The following FOXK1 variants were observed in gnomAD, a reference collection of about 807,000 sequenced individuals.
The protein encoded by FOXK1 is forkhead box protein K1.
In FOXK1, 19 loss-of-function variants were observed where a neutral mutation model predicts 51.9. The ratio of observed to expected loss-of-function variants is 0.37; its 90% CI spans 0.26 to 0.54. FOXK1 has a LOEUF of 0.54. Among genes scored for constraint, FOXK1 ranks in the 20% least tolerant of loss-of-function variants. The probability of loss-of-function intolerance (pLI) is 0.87; values close to 1 mark genes in which losing one functional copy is unlikely to be tolerated. For synonymous variants in FOXK1, 537 were observed against 482.6 expected (o/e 1.11, Z -1.48); for missense variants, 870 against 1,032.7 (o/e 0.84, Z 2.16).
chr7:4,694,110 C>T (rs1779924667), intron 1 of FOXK1, among the ~76,000 whole-genome samples: 1 of 152,140 alleles, frequency 6.6e-6, no homozygotes, highest in South Asian at 2.1e-4. Flanking sequence ...TGGTCTTGAA[C>T]TCCTGGGCTC....
Position 4,766,055 on chromosome 7 carries a change from C to G in FOXK1, c.*3591C>G, listed in dbSNP as rs115332020. 7.2e-5 allele frequency: 11 copies of G among 152,314 alleles called. No individual in the cohort carries two copies. Among genetic ancestry groups the G allele is most frequent in the African/African-American group, 2.7e-4 (11 of 41,466 alleles). 9.4% of individuals were successfully genotyped at this position (152,314 alleles called of 1,614,324 possible). On this transcript the variant is annotated 3_prime_UTR_variant, in exon 9 of 9. Transcript: ENST00000328914. This position sits in a 1 kb window ranked among gnomAD's most constrained non-coding sequence, Gnocchi z 5.5. ...CAGTATCCCGGTGTGTGCCCATCCT[C>G]AGCCACTTGTGTCTTTCTTTCCATG...
At position 4,723,232 on chromosome 7, in the gene FOXK1, C is replaced by T. The variant is rs1202470487; in HGVS notation, c.561-17606C>T. On this transcript the variant is annotated intron_variant, in intron 1 of 8. Coordinates refer to ENST00000328914, the MANE Select transcript of FOXK1 (RefSeq NM_001037165.2). The surrounding 1 kb of genome is among the most constrained non-coding windows in gnomAD (Gnocchi z 4.7). ...CCATGGCGGCTTGCACGTTGCACGT[C>T]CCCCGGCTCAGCACCGAGCAAGTGG... Among the ~76,000 whole-genome samples, 1 of 151,912 alleles carries T rather than the reference C, an allele frequency of 6.6e-6. No individual in the cohort carries two copies. Among genetic ancestry groups the T allele is most frequent in the Admixed American group, 6.6e-5 (1 of 15,240 alleles).
intron 1 of FOXK1, among the ~76,000 whole-genome samples, chr7:4,732,548 C>G (rs1292013092): frequency 1.3e-5 from 2 of 152,162 alleles, no homozygotes; most frequent in Non-Finnish European, 2.9e-5. Flanking sequence ...CCCACCTCAG[C>G]CTTCCAAAGC....
At chr7:4,721,589 C>CTTTTTTTTTTTTTTTTTTTTTT (rs200132324) in intron 1 of FOXK1, among the ~76,000 whole-genome samples, 71 of 112,606 alleles carry the variant, frequency 6.3e-4, no homozygotes, top group Non-Finnish European at 8.1e-4. Context: ...TCTTTTTTTT[C>CTTTTTTTTTTTTTTTTTTTTTT]TTTTTTTTTT....
chr7:4,713,467 G>A (rs189441979), intron 1 of FOXK1, among the ~76,000 whole-genome samples: 1 of 151,456 alleles, frequency 6.6e-6, no homozygotes, highest in African/African-American at 2.4e-5. Context: ...CCCTAAACAA[G>A]AGAATTTGCA....
intron 1 of FOXK1, among the ~76,000 whole-genome samples, chr7:4,690,019 C>G (rs760834631): frequency 6.6e-6 from 1 of 152,184 alleles, no homozygotes; most frequent in Non-Finnish European, 1.5e-5. Context: ...TCTCGCTTCT[C>G]CACGTGAAGG....
intron 2 of FOXK1, among the ~76,000 whole-genome samples, chr7:4,751,833 G>T (rs1780782932): frequency 6.6e-6 from 1 of 152,250 alleles, no homozygotes; most frequent in Non-Finnish European, 1.5e-5. Flanking sequence ...TGGGGAAAGT[G>T]GCGGAGAAAC....
Position 4,734,138 on chromosome 7 carries a change from G to C in FOXK1, c.561-6700G>C, listed in dbSNP as rs919440872. Among the ~76,000 whole-genome samples the C allele has an allele frequency of 6.6e-6, 1 of 152,126 alleles. No individual in the cohort carries two copies. Among genetic ancestry groups the C allele is most frequent in the Non-Finnish European group, 1.5e-5 (1 of 68,026 alleles). ...GTGCCGCCCAGCTCCTAGAAGACAC[G>C]CGACTCCACAGCAGTTAGGAGACAG... On this transcript the variant is annotated intron_variant, in intron 1 of 8. Coordinates refer to ENST00000328914, the MANE Select transcript of FOXK1 (RefSeq NM_001037165.2). The surrounding 1 kb of genome is among the most constrained non-coding windows in gnomAD (Gnocchi z 5.2).
chr7:4,742,443 G>A (rs530259184), intron 2 of FOXK1, among the ~76,000 whole-genome samples: 6 of 152,236 alleles, frequency 3.9e-5, no homozygotes, highest in South Asian at 2.1e-4. Context: ...CAGAGACAGC[G>A]TCTCACTCTG....
chr7:4,706,827 T>C (rs1163784059), intron 1 of FOXK1, among the ~76,000 whole-genome samples: 1 of 152,128 alleles, frequency 6.6e-6, no homozygotes, highest in East Asian at 1.9e-4. Flanking sequence ...TGACCTTCCT[T>C]GGCCGCCCGG....
At position 4,762,066 on chromosome 7, in the gene FOXK1, CAG is replaced by C; in HGVS notation, c.1922-117_1922-116del. On this transcript the variant is annotated intron_variant, in intron 8 of 8. Transcript: ENST00000328914. The surrounding 1 kb of genome is among the most constrained non-coding windows in gnomAD (Gnocchi z 5.7). Reference sequence around the variant, plus strand: ...GAGCAAGGGTAGCCGTCCTGCCTGGCAGGGGTGCACTGACCTCCGGTTCCGGC... The same window carrying C: ...GAGCAAGGGTAGCCGTCCTGCCTGGCGGGTGCACTGACCTCCGGTTCCGGC... The C allele has an allele frequency of 8.2e-7, 1 of 1,218,504 alleles. No homozygotes were observed. The highest frequency in any genetic ancestry group is 1.1e-6 in the Non-Finnish European group (1 of 883,400). 75.5% of individuals were successfully genotyped at this position (1,218,504 alleles called of 1,614,324 possible).
At chr7:4,744,793 A>G (rs1780680440) in intron 2 of FOXK1, among the ~76,000 whole-genome samples, 1 of 152,208 alleles carries the variant, frequency 6.6e-6, no homozygotes, top group African/African-American at 2.4e-5. Flanking sequence ...CCTTCCGCCC[A>G]GTCCTGTTCT....
chr7:4,759,860 G>A (rs1408050800), intron 7 of FOXK1: 4 of 554,674 alleles, frequency 7.2e-6, no homozygotes, highest in African/African-American at 3.8e-5. Flanking sequence ...CTGAAACCCC[G>A]TCTCTACTGA....
chr7:4,741,117 C>G lies in FOXK1; in HGVS notation c.746+94C>G, dbSNP rs554877123. 9.2e-4 allele frequency: 846 copies of G among 921,250 alleles called. 4 individuals are homozygous for G. The African/African-American group carries it at 0.013, about 14-fold the overall frequency. The allele number at this position is 921,250 out of a possible 1,614,324, so 57.1% of individuals were successfully genotyped here. A position where few individuals can be genotyped will look rare whatever the true frequency, so the allele number is the denominator to read the frequency against. On this transcript the variant is annotated intron_variant, in intron 2 of 8. Coordinates refer to ENST00000328914, the MANE Select transcript of FOXK1 (RefSeq NM_001037165.2). ...ACGCAGCACCGGGTTCCAAATCTCT[C>G]TGGAAAGTTGCACGTGCATGGAAAT... is the stretch of plus-strand genomic sequence containing the variant.
chr7:4,762,655 A>G lies in FOXK1; in HGVS notation c.*191A>G, dbSNP rs923067551. Reference sequence around the variant, plus strand: ...TTCCCGTGGTTTAAGACAAAAACACATAAACAAGTTCAGACAACTGATTGT... The same window carrying G: ...TTCCCGTGGTTTAAGACAAAAACACGTAAACAAGTTCAGACAACTGATTGT... On this transcript the variant is annotated 3_prime_UTR_variant, in exon 9 of 9. Transcript: ENST00000328914. The surrounding 1 kb of genome is among the most constrained non-coding windows in gnomAD (Gnocchi z 5.7). 5 of 596,206 alleles carry G rather than the reference A, an allele frequency of 8.4e-6. No individual in the cohort carries two copies. The highest frequency in any genetic ancestry group is 7.5e-5 in the African/African-American group (4 of 53,610). 36.9% of individuals were successfully genotyped at this position (596,206 alleles called of 1,614,324 possible).
chr7:4,743,937 C>T lies in FOXK1; in HGVS notation c.746+2914C>T, dbSNP rs138893448. The stretch of plus-strand genomic sequence containing the variant: ...TGTCGCCCAGGCTGGAGTGCAGTGG[C>T]GTGATCTTGGCTCAGTGCAAGCTCC... On this transcript the variant is annotated intron_variant, in intron 2 of 8. Transcript: ENST00000328914. This position sits in a 1 kb window ranked among gnomAD's most constrained non-coding sequence, Gnocchi z 5.3. Among the ~76,000 whole-genome samples the T allele has an allele frequency of 5.5e-4, 83 of 150,162 alleles. No homozygotes were observed. Among genetic ancestry groups the T allele is most frequent in the African/African-American group, 2.0e-3 (80 of 40,716 alleles).
intron 2 of FOXK1, among the ~76,000 whole-genome samples, chr7:4,750,440 C>T (rs1007111014): frequency 6.6e-6 from 1 of 151,146 alleles, no homozygotes; most frequent in Non-Finnish European, 1.5e-5. Flanking sequence ...CCGTCGTTTT[C>T]AGCACTTTTT....
At chr7:4,738,445 A>G (rs887797995) in intron 1 of FOXK1, among the ~76,000 whole-genome samples, 4 of 152,124 alleles carry the variant, frequency 2.6e-5, no homozygotes, top group Non-Finnish European at 5.9e-5. Flanking sequence ...TCAAAAAAAA[A>G]AAAAAGAAAA....
chr7:4,757,211 C>T, intron 5 of FOXK1, 24 bp downstream of exon 5: 1 of 1,564,316 alleles, frequency 6.4e-7, no homozygotes, highest in Non-Finnish European at 8.7e-7. Flanking sequence ...AGCGCCCGTC[C>T]TCCAGCTGTT....
Sources: allele counts gnomAD v4.1 joint callset (sites outside exome capture counted in the v4.1 genomes callset), GRCh38; gene constraint gnomAD v4.1.1; non-coding constraint Gnocchi (gnomAD v3.1); transcripts MANE v1.5; gene names NCBI Gene and HGNC (gene_info 2026-07-23, HGNC 2026-07-21).